TMEM151B: variants seen among roughly 807,000 people sequenced by gnomAD.
TMEM151B encodes the protein transmembrane protein 193.
In TMEM151B, 18 loss-of-function variants were observed where a neutral mutation model predicts 33.0. That is an observed-to-expected ratio of 0.55 (90% CI 0.38 to 0.81). The LOEUF is 0.81. Ranked by LOEUF, TMEM151B falls within the 30% of genes least tolerant of loss-of-function variation. TMEM151B has a pLI of 0.00. For missense variants in TMEM151B, 672 were observed against 843.4 expected, an observed-to-expected ratio of 0.80 and a Z score of 2.52; for synonymous variants, 354 against 373.6, an observed-to-expected ratio of 0.95 and a Z score of 0.61.
chr6:44,270,848 G>A lies in TMEM151B; in HGVS notation c.106G>A (p.Ala36Thr). 8.9e-7 allele frequency: 1 copy of A among 1,121,308 alleles called. No individual in the cohort carries two copies. Among genetic ancestry groups the A allele is most frequent in the Non-Finnish European group, 1.1e-6 (1 of 919,392 alleles). The allele number at this position is 1,121,308 out of a possible 1,614,324, so 69.5% of individuals were successfully genotyped here. ...GCTCACGGCGGCGGCGGCAGCGGCG[G>A]CGGCGGACGAGGGCCCCGCCCGAGA... ...EELTAAAAAA[A>T]ADEGPAREEQ... The change falls in exon 1 of 3, where the codon GCG (alanine) becomes ACG (threonine). Residue 36 changes from alanine to threonine, a missense_variant. By Grantham distance (58) the Ala-to-Thr change is moderately conservative. Coordinates refer to ENST00000451188, the MANE Select transcript of TMEM151B (RefSeq NM_001137560.2).
Position 44,271,387 on chromosome 6 carries a change from C to G in TMEM151B, c.135+510C>G, listed in dbSNP as rs1489184683. Among the ~76,000 whole-genome samples, 5 of 137,644 alleles carry G rather than the reference C, an allele frequency of 3.6e-5. No individual in the cohort carries two copies. In the East Asian group the frequency reaches 1.1e-3, roughly 31 times the overall value. The allele number at this position is 137,644 out of a possible 152,430, so 90.3% of individuals were successfully genotyped here. On this transcript the variant is annotated intron_variant, in intron 1 of 2. Transcript: ENST00000451188. ...TGTGTGTGGGGGGGGGTGTGCACCT[C>G]TCTCTCACGAGGCTCCTGCTGCTTC...
chr6:44,276,446 C>A lies in TMEM151B; in HGVS notation c.1620C>A (p.Ile540=). 1 of 1,495,386 alleles carries A rather than the reference C, an allele frequency of 6.7e-7. No individual in the cohort carries two copies. Among genetic ancestry groups the A allele is most frequent in the Non-Finnish European group, 8.9e-7 (1 of 1,124,856 alleles). 92.6% of individuals were successfully genotyped at this position (1,495,386 alleles called of 1,614,324 possible). A position where few individuals can be genotyped will look rare whatever the true frequency, so the allele number is the denominator to read the frequency against. The change falls in exon 3 of 3, where the codon ATC becomes ATA. Residue 540 remains isoleucine, a synonymous_variant. Transcript: ENST00000451188. The part of the protein sequence containing the change: ...YHDALYFPVL[I]VHRQEGCLGH... ...ACGCCCTCTACTTTCCGGTCCTCAT[C>A]GTCCACCGGCAGGAGGGGTGTCTGG...
intron 2 of TMEM151B, among the ~76,000 whole-genome samples, chr6:44,274,628 A>G (rs926292047): frequency 3.9e-5 from 6 of 152,302 alleles, no homozygotes; most frequent in Admixed American, 3.9e-4. Flanking sequence ...CTAGAGATAG[A>G]GGGGTTCTTT....
chr6:44,271,376 GGT>G (rs1172708691), intron 1 of TMEM151B, among the ~76,000 whole-genome samples: 19 of 130,322 alleles, frequency 1.5e-4, no homozygotes, highest in African/African-American at 5.1e-4. Context: ...TGTGGGGGGG[GGT>G]GTGCACCTCT....
At position 44,270,768 on chromosome 6, in the gene TMEM151B, G is replaced by A; in HGVS notation, c.26G>A (p.Gly9Glu). Residue 9 changes from glycine (G) to glutamate (E), a missense_variant, in exon 1 of 3, where the codon GGA becomes GAA. Around this residue, in one of 3 missense-constraint regions of TMEM151B, gnomAD observed 63 missense variants for 57.2 expected, o/e 1.10. Transcript: ENST00000451188. MSPPGSAA[G>E]ESAAGGGGGG... The stretch of plus-strand genomic sequence containing the variant: ...ATGTCCCCCCCTGGCTCGGCCGCGG[G>A]AGAGAGCGCCGCCGGCGGCGGCGGC... The A allele has an allele frequency of 8.9e-7, 1 of 1,118,680 alleles. No homozygotes were observed. The allele number at this position is 1,118,680 out of a possible 1,614,324, so 69.3% of individuals were successfully genotyped here. A position where few individuals can be genotyped will look rare whatever the true frequency, so the allele number is the denominator to read the frequency against.
chr6:44,274,394 T>A (rs1782484384), intron 2 of TMEM151B, among the ~76,000 whole-genome samples: 2 of 152,160 alleles, frequency 1.3e-5, no homozygotes, highest in Non-Finnish European at 2.9e-5. Context: ...TTCCTGGATG[T>A]CAAGTTCAAG....
intron 2 of TMEM151B, 22 bp from the exon 3 acceptor site, chr6:44,275,381 C>A: frequency 6.8e-7 from 1 of 1,475,848 alleles, no homozygotes; most frequent in South Asian, 1.4e-5. Context: ...CGCGACCCCG[C>A]CGCCTGCCCC....
chr6:44,276,235 G>T lies in TMEM151B; in HGVS notation c.1409G>T (p.Gly470Val). The change falls in exon 3 of 3, where the codon GGG becomes GTG. Residue 470 changes from glycine (G) to valine (V), a missense_variant. Physicochemically the swap from Gly to Val is moderately radical, Grantham distance 109 (BLOSUM62 -3). Around this residue, in one of 3 missense-constraint regions of TMEM151B, gnomAD observed 324 missense variants for 363.1 expected, o/e 0.89. Transcript: ENST00000451188. ...GPGPGGGAGC[G>V]GSRFSLGRLY... ...GGGCCCGGTGGGGGCGCGGGCTGCG[G>T]GGGCAGCCGCTTCTCGCTGGGCCGT... 1 of 1,296,670 alleles carries T rather than the reference G, an allele frequency of 7.7e-7. No homozygotes were observed. Among genetic ancestry groups the T allele is most frequent in the Non-Finnish European group, 9.7e-7 (1 of 1,025,910 alleles). The allele number at this position is 1,296,670 out of a possible 1,614,324, so 80.3% of individuals were successfully genotyped here. A position where few individuals can be genotyped will look rare whatever the true frequency, so the allele number is the denominator to read the frequency against.
In TMEM151B at chr6:44,276,078, G is replaced by A; in HGVS notation, c.1252G>A (p.Val418Ile). ...GYAPSCRYGG[V>I]GGPGAAGVAP... ...CGCGCCCTCGTGCCGCTACGGTGGG[G>A]TAGGCGGCCCGGGCGCGGCGGGCGT... The change falls in exon 3 of 3, where the codon GTA becomes ATA. Residue 418 changes from valine (V) to isoleucine (I), a missense_variant. Coordinates refer to ENST00000451188, the MANE Select transcript of TMEM151B (RefSeq NM_001137560.2). The A allele has an allele frequency of 1.5e-6, 2 of 1,324,012 alleles. No individual in the cohort carries two copies. The highest frequency in any genetic ancestry group is 9.6e-7 in the Non-Finnish European group (1 of 1,044,712). 82.0% of individuals were successfully genotyped at this position (1,324,012 alleles called of 1,614,324 possible).
intron 2 of TMEM151B, among the ~76,000 whole-genome samples, chr6:44,274,225 AT>A (rs1782478392): frequency 6.6e-6 from 1 of 152,172 alleles, no homozygotes; most frequent in South Asian, 2.1e-4. Context: ...ATAGTGCTTA[AT>A]GGCTGGAGAT....
At position 44,275,530 on chromosome 6, in the gene TMEM151B, C is replaced by G. The variant is rs1318842711; in HGVS notation, c.704C>G (p.Thr235Ser). 9.7e-6 allele frequency: 15 copies of G among 1,550,346 alleles called. No homozygotes were observed. Among genetic ancestry groups the G allele is most frequent in the Non-Finnish European group, 1.2e-5 (14 of 1,146,570 alleles). Residue 235 changes from threonine (T) to serine (S), a missense_variant, in exon 3 of 3, where the codon ACC (threonine) becomes AGC (serine). By Grantham distance (58) the Thr-to-Ser change is moderately conservative. Around this residue, in one of 3 missense-constraint regions of TMEM151B, gnomAD observed 285 missense variants for 423.1 expected, o/e 0.67. Coordinates refer to ENST00000451188, the MANE Select transcript of TMEM151B (RefSeq NM_001137560.2). ...EGAPATRLRF[T>S]KCFSFASVEA... ...GCGCCGGCCACGCGGCTGCGCTTCA[C>G]CAAGTGCTTCAGTTTCGCCAGCGTG...
rs1167364202 is a variant in TMEM151B at position 44,278,125 on chromosome 6, C to G, written c.*1598C>G. ...TTCAGCCCAGCCAGGCCTGCACCAC[C>G]AACTGTGTGGCCTCCACCTATGCAA... On this transcript the variant is annotated 3_prime_UTR_variant, in exon 3 of 3. Transcript: ENST00000451188. 6.4e-6 allele frequency: 1 copy of G among 155,450 alleles called. No homozygotes were observed. The highest frequency in any genetic ancestry group is 6.5e-5 in the Admixed American group (1 of 15,300). The allele number at this position is 155,450 out of a possible 1,614,324, so 9.6% of individuals were successfully genotyped here. A position where few individuals can be genotyped will look rare whatever the true frequency, so the allele number is the denominator to read the frequency against.
rs1782594584 is a variant in TMEM151B, at chr6:44,276,472, G to A, written c.1646G>A (p.Gly549Asp). 4.1e-6 allele frequency: 6 copies of A among 1,467,924 alleles called. No individual in the cohort carries two copies. Among genetic ancestry groups the A allele is most frequent in the Non-Finnish European group, 4.5e-6 (5 of 1,109,688 alleles). 90.9% of individuals were successfully genotyped at this position (1,467,924 alleles called of 1,614,324 possible). A position where few individuals can be genotyped will look rare whatever the true frequency, so the allele number is the denominator to read the frequency against. Residue 549 changes from glycine (G) to aspartate (D), a missense_variant, in exon 3 of 3, where the codon GGC (glycine) becomes GAC (aspartate). Around this residue, in one of 3 missense-constraint regions of TMEM151B, gnomAD observed 324 missense variants for 363.1 expected, o/e 0.89. Transcript: ENST00000451188. ...LIVHRQEGCL[G>D]HSHRPLHRHG... ...GTCCACCGGCAGGAGGGGTGTCTGG[G>A]CCACAGCCACCGGCCGCTGCACCGC... is the stretch of plus-strand genomic sequence containing the variant.
rs1782294850 is a variant in TMEM151B, at chr6:44,270,785, G to A, written c.43G>A (p.Gly15Ser). ...GGCCGCGGGAGAGAGCGCCGCCGGC[G>A]GCGGCGGCGGCGGTGGCGGCCCCGG... The part of the protein sequence containing the change: ...GSAAGESAAG[G>S]GGGGGGPGVS... Residue 15 changes from glycine to serine, a missense_variant, in exon 1 of 3, where the codon GGC (glycine) becomes AGC (serine). Gly to Ser is a moderately conservative substitution (Grantham distance 56). Around this residue, in one of 3 missense-constraint regions of TMEM151B, gnomAD observed 63 missense variants for 57.2 expected, o/e 1.10. Transcript: ENST00000451188. 3 of 1,122,082 alleles carry A rather than the reference G, an allele frequency of 2.7e-6. No individual in the cohort carries two copies. The highest frequency in any genetic ancestry group is 3.8e-4 in the Middle Eastern group (1 of 2,650). 69.5% of individuals were successfully genotyped at this position (1,122,082 alleles called of 1,614,324 possible).
At chr6:44,272,321 C>A (rs935250248) in intron 1 of TMEM151B, among the ~76,000 whole-genome samples, 1 of 152,140 alleles carries the variant, frequency 6.6e-6, no homozygotes, top group African/African-American at 2.4e-5. Context: ...TCAGGGACCC[C>A]AGCCCCCTCC....
In TMEM151B at chr6:44,273,784, C is replaced by G. The variant is rs918604420; in HGVS notation, c.576+278C>G. 3.4e-4 allele frequency among the ~76,000 whole-genome samples: 51 copies of G among 152,228 alleles called. 1 individual carries two copies. The highest frequency in any genetic ancestry group is 1.6e-4 in the Non-Finnish European group (11 of 68,034). On this transcript the variant is annotated intron_variant, in intron 2 of 2. Coordinates refer to ENST00000451188, the MANE Select transcript of TMEM151B (RefSeq NM_001137560.2). The stretch of plus-strand genomic sequence containing the variant: ...GATGTAGGCAGGTATTCCCATTTTG[C>G]AGATGAGGAAACTGAGGCCTGGAGA...
chr6:44,271,363 GT>G (rs1782336376), intron 1 of TMEM151B, among the ~76,000 whole-genome samples: 2 of 70,066 alleles, frequency 2.9e-5, no homozygotes, highest in African/African-American at 1.5e-4. Flanking sequence ...GTGTGTGTGT[GT>G]GTGTGGGGGG....
rs1290704159 is a variant in TMEM151B at position 44,276,538 on chromosome 6, C to T, written c.*11C>T. On this transcript the variant is annotated 3_prime_UTR_variant, in exon 3 of 3. Coordinates refer to ENST00000451188, the MANE Select transcript of TMEM151B (RefSeq NM_001137560.2). Reference sequence around the variant, plus strand: ...GAGACCTCACTGTGACCTCCGGCCCCGGAGTGGCCCGCGCCGTCCTCCCGC... The same window carrying T: ...GAGACCTCACTGTGACCTCCGGCCCTGGAGTGGCCCGCGCCGTCCTCCCGC... The T allele has an allele frequency of 5.2e-6, 7 of 1,345,766 alleles. No homozygotes were observed. In the Middle Eastern group the frequency reaches 5.8e-4, roughly 111 times the overall value. 83.4% of individuals were successfully genotyped at this position (1,345,766 alleles called of 1,614,324 possible).
chr6:44,272,590 T>C (rs1782407265), intron 1 of TMEM151B, among the ~76,000 whole-genome samples: 2 of 152,008 alleles, frequency 1.3e-5, no homozygotes, highest in African/African-American at 4.8e-5. Context: ...AGTGGGTCCC[T>C]CCCCCTTTTC....
Sources: allele counts gnomAD v4.1 joint callset (sites outside exome capture counted in the v4.1 genomes callset), GRCh38; gene constraint gnomAD v4.1.1; regional missense constraint gnomAD v4.1.1; transcripts MANE v1.5; gene names NCBI Gene and HGNC (gene_info 2026-07-23, HGNC 2026-07-21).